SLFN12L: variants seen among roughly 807,000 people sequenced by gnomAD.
The protein encoded by SLFN12L is schlafen family member 12-like.
Under a neutral mutation model 34.8 loss-of-function variants are expected in SLFN12L, and 34 were observed. The ratio of observed to expected loss-of-function variants is 0.98; its 90% CI spans 0.74 to 1.30. The LOEUF (loss-of-function observed/expected upper bound fraction) is 1.30. Among genes scored for constraint, SLFN12L ranks in the 50% most tolerant of loss-of-function variants. The pLI, the probability that SLFN12L is intolerant of heterozygous loss-of-function variation, is 0.00. For missense variants in SLFN12L, 703 were observed against 696.2 expected (o/e 1.01, Z -0.11); for synonymous variants, 259 against 247.5 (o/e 1.05, Z -0.44).
chr17:35,530,490 A>C lies in SLFN12L; in HGVS notation c.-606+7083T>G, dbSNP rs1251105445. The stretch of plus-strand genomic sequence containing the variant: ...AAAGAAAGAAAGAAAGAAAGAAAGA[A>C]AGAAAGAAAGAAAGAAAGAAAGAAA... On this transcript the variant is annotated intron_variant, in intron 1 of 4. Coordinates refer to ENST00000628453, the MANE Select transcript of SLFN12L (RefSeq NM_001363830.2). 4.2e-4 allele frequency among the ~76,000 whole-genome samples: 21 copies of C among 50,046 alleles called. 1 individual carries two copies. The highest frequency in any genetic ancestry group is 1.2e-3 in the African/African-American group (21 of 17,788). The allele number at this position is 50,046 out of a possible 152,430, so 32.8% of individuals were successfully genotyped here. A position where few individuals can be genotyped will look rare whatever the true frequency, so the allele number is the denominator to read the frequency against.
intron 2 of SLFN12L, among the ~76,000 whole-genome samples, chr17:35,496,528 G>T (rs1168927618): frequency 7.3e-6 from 1 of 136,088 alleles, no homozygotes; most frequent in Non-Finnish European, 1.6e-5. Flanking sequence ...CGTCCCTCCG[G>T]CCCCTCCTTT....
At chr17:35,493,613 C>G (rs1914928406) in intron 2 of SLFN12L, among the ~76,000 whole-genome samples, 1 of 152,186 alleles carries the variant, frequency 6.6e-6, no homozygotes, top group Non-Finnish European at 1.5e-5. Context: ...GATGTCCATA[C>G]TGTATTTTGT....
At chr17:35,508,632 G>A (rs1915543726) in intron 2 of SLFN12L, among the ~76,000 whole-genome samples, 1 of 152,152 alleles carries the variant, frequency 6.6e-6, no homozygotes, top group African/African-American at 2.4e-5. Context: ...ACAGGCATGA[G>A]CCACTGTGCC....
rs1425452112 is a variant in SLFN12L, at chr17:35,479,295, G to A, written c.987C>T (p.Cys329=). The change falls in exon 3 of 5, where the codon TGC becomes TGT. Residue 329 remains cysteine, a synonymous_variant. Transcript: ENST00000628453. The part of the protein sequence containing the change: ...CVEKGTINYL[C]KFLGVYDKGR... Reference sequence around the variant, plus strand: ...CTTTATCATATACTCCAAGGAATTTGCATAAGTAATTTATCGTCCCCTTCT... The same window carrying A: ...CTTTATCATATACTCCAAGGAATTTACATAAGTAATTTATCGTCCCCTTCT... 3.1e-6 allele frequency: 5 copies of A among 1,589,536 alleles called. No individual in the cohort carries two copies. The African/African-American group carries it at 6.7e-5, about 21-fold the overall frequency.
intron 2 of SLFN12L, among the ~76,000 whole-genome samples, chr17:35,517,719 G>A (rs1915875694): frequency 6.6e-6 from 1 of 152,096 alleles, no homozygotes; most frequent in Non-Finnish European, 1.5e-5. Flanking sequence ...CAATGAAACA[G>A]AACAGAGACC....
At chr17:35,477,894 A>G (rs937798913) in intron 4 of SLFN12L, 181 bp downstream of exon 4, 8 of 487,192 alleles carry the variant, frequency 1.6e-5, no homozygotes, top group Non-Finnish European at 2.9e-5. Flanking sequence ...GAACAATTCT[A>G]CCCCTACTTA....
intron 3 of SLFN12L, 163 bp from the exon 4 acceptor site, chr17:35,478,348 G>A: frequency 2.1e-6 from 1 of 483,788 alleles, no homozygotes; most frequent in South Asian, 2.7e-5. Context: ...TAGATTCCTA[G>A]GTCAGATACA....
chr17:35,505,216 A>T (rs193267117), intron 2 of SLFN12L, among the ~76,000 whole-genome samples: 1 of 152,238 alleles, frequency 6.6e-6, no homozygotes, highest in Non-Finnish European at 1.5e-5. Flanking sequence ...AGAAAAACTC[A>T]TGTCGGCCCC....
In SLFN12L at chr17:35,479,394, C is replaced by T. The variant is rs777008527; in HGVS notation, c.888G>A (p.Lys296=). ...DKEVIGFKAE[K]SYLTKLEEVT... is the part of the protein sequence containing the mutation. ...CTTCTTCTAACTTAGTAAGATAACT[C>T]TTCTCTGCTTTAAAGCCAATTACTT... Residue 296 remains lysine, a synonymous_variant, in exon 3 of 5, where the codon AAG becomes AAA. Coordinates refer to ENST00000628453, the MANE Select transcript of SLFN12L (RefSeq NM_001363830.2). 9 of 1,610,060 alleles carry T rather than the reference C, an allele frequency of 5.6e-6. No individual in the cohort carries two copies. The East Asian group carries it at 1.3e-4, about 24-fold the overall frequency.
At chr17:35,498,183 G>GTGGGAAGCCGGGGCCGCC (rs1555542681) in intron 2 of SLFN12L, 4 of 624,792 alleles carry the variant, frequency 6.4e-6, no homozygotes, top group Non-Finnish European at 1.2e-5. Flanking sequence ...AGGCGGCGGC[G>GTGGGAAGCCGGGGCCGCC]TGGGGAGCCG....
chr17:35,512,532 A>AT (rs1915686811), intron 2 of SLFN12L, among the ~76,000 whole-genome samples: 1 of 151,820 alleles, frequency 6.6e-6, no homozygotes, highest in African/African-American at 2.4e-5. Flanking sequence ...TGTCCGGCTA[A>AT]TTTTTTTGTA....
At chr17:35,518,626 A>C (rs1425924172) in intron 2 of SLFN12L, among the ~76,000 whole-genome samples, 1 of 152,156 alleles carries the variant, frequency 6.6e-6, no homozygotes, top group Non-Finnish European at 1.5e-5. Context: ...ATTAGAGAAA[A>C]GCAAATCAAA....
intron 2 of SLFN12L, chr17:35,490,733 G>A (rs1914805050): frequency 6.8e-7 from 1 of 1,480,204 alleles, no homozygotes; most frequent in African/African-American, 1.4e-5. Context: ...CAACATATTC[G>A]AAAAATTAGT....
At chr17:35,535,151 G>A (rs2072446252) in intron 1 of SLFN12L, among the ~76,000 whole-genome samples, 1 of 150,984 alleles carries the variant, frequency 6.6e-6, no homozygotes, top group African/African-American at 2.4e-5. Context: ...GATTCCAAAT[G>A]CTAGTGTTTC....
At chr17:35,492,468 C>T (rs550200883) in intron 2 of SLFN12L, among the ~76,000 whole-genome samples, 4 of 152,238 alleles carry the variant, frequency 2.6e-5, no homozygotes, top group East Asian at 1.9e-4. Flanking sequence ...AGAGACCTCT[C>T]GGGAGAAAGA....
intron 2 of SLFN12L, chr17:35,510,125 A>G (rs891502733): frequency 1.3e-5 from 2 of 152,278 alleles, no homozygotes; most frequent in African/African-American, 4.8e-5. Context: ...CATGTAAGTC[A>G]AATTAAAAAG....
intron 2 of SLFN12L, among the ~76,000 whole-genome samples, chr17:35,481,536 AG>A (rs1200673179): frequency 6.6e-6 from 1 of 152,258 alleles, no homozygotes; most frequent in Non-Finnish European, 1.5e-5. Context: ...GCTGCCAAAC[AG>A]GGAAGGGCCC....
At chr17:35,499,849 G>A (rs758706434) in intron 2 of SLFN12L, 24 of 168,570 alleles carry the variant, frequency 1.4e-4, no homozygotes, top group Non-Finnish European at 2.8e-4. Flanking sequence ...GGCAGGCGCA[G>A]CTTGGGTTTC....
At chr17:35,506,835 G>A (rs929238490) in intron 2 of SLFN12L, among the ~76,000 whole-genome samples, 18 of 152,106 alleles carry the variant, frequency 1.2e-4, no homozygotes, top group Admixed American at 5.9e-4. Flanking sequence ...ATAACTTCTA[G>A]GTCCTAAAAG....
Sources: allele counts gnomAD v4.1 joint callset (sites outside exome capture counted in the v4.1 genomes callset), GRCh38; gene constraint gnomAD v4.1.1; transcripts MANE v1.5; gene names NCBI Gene and HGNC (gene_info 2026-07-23, HGNC 2026-07-21).